CCSER1: variants seen among roughly 807,000 people sequenced by gnomAD.
CCSER1 encodes serine-rich coiled-coil domain-containing protein 1.
A neutral mutation model predicts 82.0 loss-of-function variants in CCSER1; 41 were observed. The ratio of observed to expected loss-of-function variants is 0.50; its 90% CI spans 0.39 to 0.65. The LOEUF (loss-of-function observed/expected upper bound fraction) is 0.65. Ranked by LOEUF, CCSER1 falls within the 30% of genes least tolerant of loss-of-function variation. The pLI, the probability that CCSER1 is intolerant of heterozygous loss-of-function variation, is 0.00. For missense variants in CCSER1, 1,119 were observed against 1,064.2 expected, an observed-to-expected ratio of 1.05 and a Z score of -0.72; for synonymous variants, 414 against 383.9, an observed-to-expected ratio of 1.08 and a Z score of -0.92.
intron 10 of CCSER1, among the ~76,000 whole-genome samples, chr4:91,465,264 A>G (rs1398730933): frequency 1.3e-5 from 2 of 152,220 alleles, no homozygotes; most frequent in African/African-American, 4.8e-5. Context: ...TACTGGGTAT[A>G]TAACGAAATG....
intron 1 of CCSER1, among the ~76,000 whole-genome samples, chr4:90,208,240 G>GT (rs1739287360): frequency 6.6e-6 from 1 of 152,192 alleles, no homozygotes; most frequent in Non-Finnish European, 1.5e-5. Flanking sequence ...GGCTACAGTG[G>GT]TTTTGTGGCG....
At chr4:90,145,736 T>C (rs977453901) in intron 1 of CCSER1, among the ~76,000 whole-genome samples, 2 of 152,156 alleles carry the variant, frequency 1.3e-5, no homozygotes, top group Non-Finnish European at 2.9e-5. Context: ...ACTTTTTCTT[T>C]TATCATGTCT....
chr4:91,521,236 A>ATGCAGCCATGTT (rs1352786266), intron 10 of CCSER1, among the ~76,000 whole-genome samples: 1 of 152,198 alleles, frequency 6.6e-6, no homozygotes, highest in African/African-American at 2.4e-5. Context: ...ATGGCTGCAT[A>ATGCAGCCATGTT]GTATTCCATG....
At chr4:90,933,016 G>GAAAGAA (rs1730323911) in intron 9 of CCSER1, among the ~76,000 whole-genome samples, 1 of 79,868 alleles carries the variant, frequency 1.3e-5, no homozygotes. Context: ...AAGAAAGAAA[G>GAAAGAA]AAAGAAAGAA....
chr4:91,296,483 A>ATATATATATATATTTATT (rs1175690764), intron 10 of CCSER1, among the ~76,000 whole-genome samples: 1,256 of 123,384 alleles, frequency 0.01, 56 homozygotes, highest in African/African-American at 0.023. Context: ...ATATATATAT[A>ATATATATATATATTTATT]TATTTTAATT....
In CCSER1 at chr4:91,085,976, A is replaced by G; in HGVS notation, c.2199A>G (p.Thr733=). ...YDGLNLKRLE[T]VQGGREATYR... is the part of the protein sequence containing the mutation. ...GTTTAAACTTGAAAAGACTAGAGAC[A>G]GTACAAGGAGGGAGAGAGGTAAGAA... Residue 733 remains threonine, a synonymous_variant, in exon 10 of 11, where the codon ACA becomes ACG. Transcript: ENST00000509176. The G allele has an allele frequency of 1.3e-6, 2 of 1,527,620 alleles. No individual in the cohort carries two copies. Among genetic ancestry groups the G allele is most frequent in the Non-Finnish European group, 1.8e-6 (2 of 1,125,550 alleles). 94.6% of individuals were successfully genotyped at this position (1,527,620 alleles called of 1,614,324 possible).
intron 9 of CCSER1, among the ~76,000 whole-genome samples, chr4:91,067,673 C>G (rs1413685174): frequency 6.6e-6 from 1 of 152,024 alleles, no homozygotes; most frequent in Non-Finnish European, 1.5e-5. Flanking sequence ...TAAATTACAC[C>G]CTTTGTGATG....
At chr4:91,488,479 G>C (rs986120003) in intron 10 of CCSER1, among the ~76,000 whole-genome samples, 4 of 152,116 alleles carry the variant, frequency 2.6e-5, no homozygotes, top group Non-Finnish European at 4.4e-5. Flanking sequence ...ATCTCACATC[G>C]AATTTTAATC....
Position 90,542,320 on chromosome 4 carries a change from T to A in CCSER1, c.1724+73966T>A, listed in dbSNP as rs1431521018. On this transcript the variant is annotated intron_variant, in intron 5 of 10. Coordinates refer to ENST00000509176, the MANE Select transcript of CCSER1 (RefSeq NM_001145065.2). ...ATGGACTGTCAGATCCCATTAGGTT[T>A]GCGGATAATATTCTGCAGATGAGAT... Among the ~76,000 whole-genome samples, 4 of 152,084 alleles carry A rather than the reference T, an allele frequency of 2.6e-5. No individual in the cohort carries two copies. In the East Asian group the frequency reaches 7.7e-4, roughly 29 times the overall value.
rs148443682 is a variant in CCSER1, at chr4:90,505,699, T to C, written c.1724+37345T>C. Among the ~76,000 whole-genome samples, 1,131 of 152,334 alleles carry C rather than the reference T, an allele frequency of 7.4e-3. 17 individuals are homozygous for C. The highest frequency in any genetic ancestry group is 0.063 in the South Asian group (304 of 4,830). ...GAGTAACTTCTGGATGTTGCCATGG[T>C]ATTTGTAAACTGCCTTGGCACTGAT... On this transcript the variant is annotated intron_variant, in intron 5 of 10. Coordinates refer to ENST00000509176, the MANE Select transcript of CCSER1 (RefSeq NM_001145065.2).
At chr4:90,249,805 T>A (rs1177798821) in intron 1 of CCSER1, among the ~76,000 whole-genome samples, 1 of 152,164 alleles carries the variant, frequency 6.6e-6, no homozygotes, top group Non-Finnish European at 1.5e-5. Context: ...TGAACATTCA[T>A]GCGCAACTGC....
At chr4:90,637,931 G>C (rs547770834) in intron 6 of CCSER1, among the ~76,000 whole-genome samples, 2 of 152,262 alleles carry the variant, frequency 1.3e-5, no homozygotes, top group East Asian at 3.9e-4. Context: ...AACTTGGAAA[G>C]TGTTTCTGTG....
intron 4 of CCSER1, among the ~76,000 whole-genome samples, chr4:90,433,245 A>G (rs1271588709): frequency 2.0e-5 from 3 of 152,066 alleles, no homozygotes; most frequent in Non-Finnish European, 4.4e-5. Flanking sequence ...AACAACTATT[A>G]AGTCTATTCT....
rs569050929 is a variant in CCSER1 at position 91,283,508 on chromosome 4, A to G, written c.2217+197514A>G. On this transcript the variant is annotated intron_variant, in intron 10 of 10. Transcript: ENST00000509176. ...ACTTTTTAAGGAGGCCACTTCATAA[A>G]TATCATGTGTGTTCTACTTTTCACA... 7.2e-5 allele frequency among the ~76,000 whole-genome samples: 11 copies of G among 152,214 alleles called. No homozygotes were observed. The East Asian group carries it at 2.1e-3, about 29-fold the overall frequency.
At chr4:91,437,828 A>G (rs1187036305) in intron 10 of CCSER1, among the ~76,000 whole-genome samples, 2 of 152,216 alleles carry the variant, frequency 1.3e-5, no homozygotes, top group Non-Finnish European at 2.9e-5. Context: ...AGGAGATTAT[A>G]TCTCGCACCT....
At chr4:90,536,502 T>C (rs1775387329) in intron 5 of CCSER1, among the ~76,000 whole-genome samples, 1 of 152,216 alleles carries the variant, frequency 6.6e-6, no homozygotes, top group African/African-American at 2.4e-5. Flanking sequence ...CATCATCTTC[T>C]GTCTGATTAT....
intron 3 of CCSER1, among the ~76,000 whole-genome samples, chr4:90,338,576 A>G (rs1276663054): frequency 1.3e-5 from 2 of 152,210 alleles, no homozygotes; most frequent in East Asian, 1.9e-4. Flanking sequence ...ACTCCAGCAT[A>G]GTGCTTAAGC....
chr4:90,181,805 A>G (rs1733780735), intron 1 of CCSER1, among the ~76,000 whole-genome samples: 1 of 152,222 alleles, frequency 6.6e-6, no homozygotes, highest in African/African-American at 2.4e-5. Context: ...GCAGACACTC[A>G]GCTGGTGAGT....
At chr4:90,579,694 G>GA (rs33920689) in intron 5 of CCSER1, among the ~76,000 whole-genome samples, 52,681 of 151,866 alleles carry the variant, frequency 0.35, 9,758 homozygotes, top group East Asian at 0.51. Context: ...CTTCAGAAAT[G>GA]AAAAATTACA....
Sources: allele counts gnomAD v4.1 joint callset (sites outside exome capture counted in the v4.1 genomes callset), GRCh38; gene constraint gnomAD v4.1.1; transcripts MANE v1.5; gene names NCBI Gene and HGNC (gene_info 2026-07-23, HGNC 2026-07-21).